The following HPSE2 variants were observed in gnomAD, a reference collection of about 807,000 sequenced individuals.
The protein encoded by HPSE2 is heparanase 2 (inactive).
HPSE2 carries 38 observed loss-of-function variants against 60.5 expected under a neutral mutation model. The ratio of observed to expected loss-of-function variants is 0.63; its 90% confidence interval spans 0.48 to 0.82. The LOEUF is 0.82. Ranked by LOEUF, HPSE2 falls within the 40% of genes least tolerant of loss-of-function variation. HPSE2 has a pLI of 0.00. For missense variants in HPSE2, 713 were observed against 740.4 expected (o/e 0.96, Z 0.43); for synonymous variants, 295 against 293.2 (o/e 1.01, Z -0.06).
At chr10:99,186,524 CAG>C (rs1184139823) in intron 2 of HPSE2, among the ~76,000 whole-genome samples, 1 of 102,838 alleles carries the variant, frequency 9.7e-6, no homozygotes, top group Non-Finnish European at 1.7e-5. Flanking sequence ...GCCTAGGTGA[CAG>C]AGTGAGACTC....
chr10:98,537,246 T>C lies in HPSE2; in HGVS notation c.1321-47050A>G, dbSNP rs78204605. ...GGGGAATGGAGATGTTGAGCTTACA[T>C]TTAGATAAACATGCCTGTGAAACAT... On this transcript the variant is annotated intron_variant, in intron 9 of 11. Coordinates refer to ENST00000370552, the MANE Select transcript of HPSE2 (RefSeq NM_021828.5). Among the ~76,000 whole-genome samples, 1,252 of 152,250 alleles carry C rather than the reference T, an allele frequency of 8.2e-3. 14 individuals are homozygous for C. Among genetic ancestry groups the C allele is most frequent in the African/African-American group, 0.029 (1,190 of 41,536 alleles).
chr10:98,688,493 T>C (rs1324895683), intron 6 of HPSE2, among the ~76,000 whole-genome samples: 2 of 143,750 alleles, frequency 1.4e-5, no homozygotes, highest in Non-Finnish European at 3.0e-5. Context: ...TTTTTTTTTT[T>C]GAGGCAGAAT....
At chr10:98,936,433 C>A (rs1471026552) in intron 3 of HPSE2, among the ~76,000 whole-genome samples, 1 of 143,162 alleles carries the variant, frequency 7.0e-6, no homozygotes, top group Non-Finnish European at 1.5e-5. Flanking sequence ...GGTGTAGGCT[C>A]ACGAGGGAAT....
chr10:98,597,302 T>C (rs1945266091), intron 9 of HPSE2, among the ~76,000 whole-genome samples: 1 of 152,188 alleles, frequency 6.6e-6, no homozygotes. Flanking sequence ...AGGAATGTTT[T>C]CTGCTATTAT....
chr10:98,642,049 C>T, intron 6 of HPSE2, 109 bp from the exon 7 acceptor site: 1 of 888,934 alleles, frequency 1.1e-6, no homozygotes, highest in Non-Finnish European at 1.9e-6. Context: ...CAGGGTTCCA[C>T]TCGGGCTCTC....
At chr10:99,115,496 T>C (rs937804154) in intron 3 of HPSE2, among the ~76,000 whole-genome samples, 4 of 151,950 alleles carry the variant, frequency 2.6e-5, no homozygotes, top group African/African-American at 9.7e-5. Flanking sequence ...GGCTTTGCTA[T>C]GTTGCCCAGG....
chr10:99,211,473 T>C (rs1298169991), intron 2 of HPSE2, among the ~76,000 whole-genome samples: 1 of 150,976 alleles, frequency 6.6e-6, no homozygotes, highest in East Asian at 1.9e-4. Flanking sequence ...GCTATCGTAA[T>C]AAAAAGAAAA....
At chr10:99,308,975 A>G in the HPSE2 span, among the ~76,000 whole-genome samples, 8 of 152,354 alleles carry the variant, frequency 5.3e-5, no homozygotes, top group South Asian at 1.7e-3. Context: ...GATTTGCTTC[A>G]GCCTCAAAGA....
chr10:99,004,218 TAGA>T (rs1412441415), intron 3 of HPSE2, among the ~76,000 whole-genome samples: 1 of 152,080 alleles, frequency 6.6e-6, no homozygotes, highest in Admixed American at 6.6e-5. Flanking sequence ...TGTATTTTAA[TAGA>T]AGAATTCAAT....
At chr10:99,127,490 G>T (rs1845208037) in intron 3 of HPSE2, among the ~76,000 whole-genome samples, 1 of 152,142 alleles carries the variant, frequency 6.6e-6, no homozygotes, top group South Asian at 2.1e-4. Flanking sequence ...CAAGAAATTT[G>T]AAATTATGTC....
chr10:98,942,792 T>C (rs1447277738), intron 3 of HPSE2, among the ~76,000 whole-genome samples: 1 of 151,954 alleles, frequency 6.6e-6, no homozygotes, highest in Non-Finnish European at 1.5e-5. Flanking sequence ...GTATGTTTAT[T>C]GCGGCACTAT....
At chr10:98,683,245 T>G (rs1441336044) in intron 6 of HPSE2, among the ~76,000 whole-genome samples, 1 of 151,998 alleles carries the variant, frequency 6.6e-6, no homozygotes, top group Non-Finnish European at 1.5e-5. Flanking sequence ...GAGTAGAGAT[T>G]CAGGGACCAT....
At chr10:99,103,166 T>A (rs551696749) in intron 3 of HPSE2, among the ~76,000 whole-genome samples, 6 of 152,262 alleles carry the variant, frequency 3.9e-5, no homozygotes, top group Admixed American at 3.3e-4. Context: ...TAAAGGGTAT[T>A]CAATTAGGAA....
intron 1 of HPSE2, among the ~76,000 whole-genome samples, chr10:99,235,128 A>ACG (rs3044653): frequency 6.6e-6 from 1 of 151,320 alleles, no homozygotes; most frequent in Non-Finnish European, 1.5e-5. Flanking sequence ...ACACACACAC[A>ACG]TACCCATTCC....
chr10:98,824,675 C>T (rs1001896418), intron 3 of HPSE2, among the ~76,000 whole-genome samples: 2 of 152,148 alleles, frequency 1.3e-5, no homozygotes, highest in Non-Finnish European at 2.9e-5. Context: ...ATTTTATTCC[C>T]TTGAACCATA....
the HPSE2 span, among the ~76,000 whole-genome samples, chr10:99,294,564 T>C: frequency 2.6e-5 from 4 of 151,014 alleles, no homozygotes; most frequent in Non-Finnish European, 2.9e-5. Context: ...GCAATACTCA[T>C]TCTAAGACAT....
At chr10:98,608,707 C>T (rs1476863079) in intron 9 of HPSE2, among the ~76,000 whole-genome samples, 1 of 152,204 alleles carries the variant, frequency 6.6e-6, no homozygotes, top group African/African-American at 2.4e-5. Flanking sequence ...AGGAAGGCTG[C>T]ACATGGTGAA....
In HPSE2 at chr10:98,606,668, T is replaced by C. The variant is rs1450327498; in HGVS notation, c.1320+8236A>G. Among the ~76,000 whole-genome samples the C allele has an allele frequency of 2.6e-5, 4 of 152,266 alleles. No individual in the cohort carries two copies. The East Asian group carries it at 7.7e-4, about 29-fold the overall frequency. On this transcript the variant is annotated intron_variant, in intron 9 of 11. Transcript: ENST00000370552. Reference sequence around the variant, plus strand: ...GAAATAAGCAGAGATTGATAATAATTGAAAGTTAGTAAGTGAGGTATCTAA... The same window carrying C: ...GAAATAAGCAGAGATTGATAATAATCGAAAGTTAGTAAGTGAGGTATCTAA...
At chr10:99,225,595 C>T (rs926281416) in intron 2 of HPSE2, among the ~76,000 whole-genome samples, 1 of 152,006 alleles carries the variant, frequency 6.6e-6, no homozygotes, top group African/African-American at 2.4e-5. Context: ...CTTTGTAACT[C>T]AAACCTTGAC....
Sources: gnomAD v4.1 joint callset for allele counts (sites outside exome capture counted in the v4.1 genomes callset) on GRCh38, gnomAD v4.1.1 for gene constraint, MANE v1.5 for transcripts, NCBI Gene and HGNC (gene_info 2026-07-23, HGNC 2026-07-21) for gene names.